KALRN: variants seen among roughly 807,000 people sequenced by gnomAD.
KALRN encodes the protein kalirin RhoGEF kinase.
In KALRN, 70 loss-of-function variants were observed where a neutral mutation model predicts 353.7. That is an observed-to-expected ratio of 0.20 (90% confidence interval 0.16 to 0.24). The LOEUF is 0.24. KALRN is among the 10% of genes least tolerant of loss of function. The probability of loss-of-function intolerance (pLI) is 1.00; values close to 1 mark genes in which losing one functional copy is unlikely to be tolerated. For synonymous variants in KALRN, 1,391 were observed against 1,434.8 expected (o/e 0.97, Z 0.69); for missense variants, 2,791 against 3,756.7 (o/e 0.74, Z 6.72).
Position 124,661,921 on chromosome 3 carries a change from G to A in KALRN, c.6338G>A (p.Gly2113Asp). Residue 2113 changes from glycine to aspartate, a missense_variant, in exon 45 of 60, where the codon GGC becomes GAC. This residue lies in a region of KALRN where 1,065 missense variants were observed against 1,156.4 expected (regional missense o/e 0.92). Transcript: ENST00000682506. ...NDMMNLGRLQ[G>D]FEGTLTAQGK... ...ATGATGAATCTAGGACGTCTGCAGG[G>A]CTTTGAGGTGAGTCTTTAAGAATGC... The A allele has an allele frequency of 1.2e-6, 2 of 1,613,750 alleles. No individual in the cohort carries two copies. Among genetic ancestry groups the A allele is most frequent in the Non-Finnish European group, 1.7e-6 (2 of 1,179,700 alleles).
At chr3:124,330,063 C>T in intron 8 of KALRN, 71 bp downstream of exon 8, 1 of 1,508,504 alleles carries the variant, frequency 6.6e-7, no homozygotes, top group Non-Finnish European at 9.0e-7. Flanking sequence ...GGGCACTGGC[C>T]TGTGCCCTGT....
chr3:124,684,369 G>A (rs1015917085), intron 51 of KALRN, among the ~76,000 whole-genome samples: 4 of 152,120 alleles, frequency 2.6e-5, no homozygotes, highest in African/African-American at 9.7e-5. Flanking sequence ...GTATAAGTGT[G>A]TTATTCCATT....
chr3:124,559,404 G>T (rs1351052116), intron 33 of KALRN, among the ~76,000 whole-genome samples: 1 of 152,180 alleles, frequency 6.6e-6, no homozygotes, highest in African/African-American at 2.4e-5. Context: ...CATCAAGAAG[G>T]CTTAGCAGGC....
chr3:124,150,440 G>T (rs540719223), intron 1 of KALRN, among the ~76,000 whole-genome samples: 1 of 152,194 alleles, frequency 6.6e-6, no homozygotes, highest in Non-Finnish European at 1.5e-5. Context: ...CAACGTGCAG[G>T]TTTGTTACAT....
chr3:124,232,062 A>T (rs1389968035), intron 2 of KALRN, among the ~76,000 whole-genome samples: 1 of 152,110 alleles, frequency 6.6e-6, no homozygotes, highest in Non-Finnish European at 1.5e-5. Flanking sequence ...TTGGGAGAGG[A>T]TGGATATGAG....
chr3:124,407,929 C>G (rs533882257), intron 13 of KALRN: 2 of 152,258 alleles, frequency 1.3e-5, no homozygotes, highest in African/African-American at 4.8e-5. Flanking sequence ...CCCGCCACCA[C>G]GCCCAGCTAT....
intron 21 of KALRN, among the ~76,000 whole-genome samples, chr3:124,452,570 A>G (rs2058897069): frequency 6.6e-6 from 1 of 152,182 alleles, no homozygotes; most frequent in Non-Finnish European, 1.5e-5. Context: ...GGGAATGAGT[A>G]GGAACCACTC....
At chr3:124,549,535 T>C (rs1020331502) in intron 33 of KALRN, among the ~76,000 whole-genome samples, 7 of 152,144 alleles carry the variant, frequency 4.6e-5, no homozygotes, top group African/African-American at 1.7e-4. Flanking sequence ...TAAAAATGAC[T>C]ATTCAGTAAG....
chr3:124,045,334 A>G (rs1023108480), intron 1 of KALRN, among the ~76,000 whole-genome samples: 1 of 152,210 alleles, frequency 6.6e-6, no homozygotes, highest in Non-Finnish European at 1.5e-5. Flanking sequence ...TGGAAGGACA[A>G]AACACCATAG....
intron 19 of KALRN, among the ~76,000 whole-genome samples, chr3:124,443,381 G>A (rs2150620523): frequency 6.6e-6 from 1 of 152,346 alleles, no homozygotes; most frequent in East Asian, 1.9e-4. Flanking sequence ...CATGGACAGG[G>A]TAGGGTGCGT....
chr3:124,242,486 G>A (rs947277637), intron 3 of KALRN, among the ~76,000 whole-genome samples: 4 of 152,194 alleles, frequency 2.6e-5, no homozygotes, highest in Non-Finnish European at 4.4e-5. Context: ...AGTGGCAGTG[G>A]TGGCAGAGTG....
intron 5 of KALRN, among the ~76,000 whole-genome samples, chr3:124,275,824 C>T (rs1448243093): frequency 8.3e-6 from 1 of 120,650 alleles, no homozygotes; most frequent in Non-Finnish European, 1.9e-5. Context: ...TCTTGGGGGT[C>T]CTGCAGGTCA....
chr3:124,713,121 C>T lies in KALRN; in HGVS notation c.8262C>T (p.Ile2754=), dbSNP rs1284042114. The change falls in exon 58 of 60, where the codon ATC becomes ATT. Residue 2754 remains isoleucine (I), a synonymous_variant. Coordinates refer to ENST00000682506, the MANE Select transcript of KALRN (RefSeq NM_001388419.1). Reference sequence around the variant, plus strand: ...CCTATGAGTCCCCCACATCCTACATCCTGATCTTGGAACTGTAAGTACAGA... The same window carrying T: ...CCTATGAGTCCCCCACATCCTACATTCTGATCTTGGAACTGTAAGTACAGA... ...HDTYESPTSY[I]LILELMDDGR... is the part of the protein sequence containing the mutation. 2 of 1,613,542 alleles carry T rather than the reference C, an allele frequency of 1.2e-6. No homozygotes were observed. Among genetic ancestry groups the T allele is most frequent in the South Asian group, 2.2e-5 (2 of 90,940 alleles).
chr3:124,540,581 C>A (rs567933282), intron 33 of KALRN, among the ~76,000 whole-genome samples: 1 of 152,296 alleles, frequency 6.6e-6, no homozygotes, highest in Admixed American at 6.5e-5. Flanking sequence ...ACCTTGAAAT[C>A]TTTTAGTCCA....
At chr3:124,458,344 CT>C (rs1254693682) in intron 23 of KALRN, among the ~76,000 whole-genome samples, 1 of 151,164 alleles carries the variant, frequency 6.6e-6, no homozygotes, top group Non-Finnish European at 1.5e-5. Context: ...GTTTCCCTTC[CT>C]TTTTTTCCTG....
At chr3:124,303,501 A>G (rs1317622336) in intron 6 of KALRN, among the ~76,000 whole-genome samples, 1 of 152,192 alleles carries the variant, frequency 6.6e-6, no homozygotes, top group African/African-American at 2.4e-5. Context: ...GGCAGATGGA[A>G]GTGAAGTTGG....
intron 33 of KALRN, among the ~76,000 whole-genome samples, chr3:124,497,032 T>A (rs1390316561): frequency 1.3e-5 from 2 of 152,188 alleles, no homozygotes; most frequent in Non-Finnish European, 2.9e-5. Context: ...TGAGAAAGCC[T>A]GGCCACTTGC....
Position 124,118,227 on chromosome 3 carries a change from C to T in KALRN, c.73+84414C>T, listed in dbSNP as rs543167254. 6.6e-5 allele frequency among the ~76,000 whole-genome samples: 10 copies of T among 151,730 alleles called. No individual in the cohort carries two copies. In the South Asian group the frequency reaches 1.5e-3, roughly 22 times the overall value. ...CCTGGGCCATATTTCAGGGAGACTA[C>T]GTGGTGGGACTCGCAGCTGGGGGAC... On this transcript the variant is annotated intron_variant, in intron 1 of 59. Coordinates refer to ENST00000682506, the MANE Select transcript of KALRN (RefSeq NM_001388419.1).
chr3:124,053,687 G>A (rs760738105), intron 1 of KALRN, among the ~76,000 whole-genome samples: 40 of 152,220 alleles, frequency 2.6e-4, no homozygotes, highest in Non-Finnish European at 4.9e-4. Context: ...CACAAGTGGG[G>A]CAAGTCTGCT....
Sources: gnomAD v4.1 joint callset for allele counts (sites outside exome capture counted in the v4.1 genomes callset) on GRCh38, gnomAD v4.1.1 for gene constraint, gnomAD v4.1.1 regional missense constraint, MANE v1.5 for transcripts, NCBI Gene and HGNC (gene_info 2026-07-23, HGNC 2026-07-21) for gene names.